Variants in CABIN1 observed in about 807,000 individuals in gnomAD.
CABIN1 encodes calcineurin-binding protein cabin-1.
Under a neutral mutation model 227.7 loss-of-function variants are expected in CABIN1, and 133 were observed. The ratio of observed to expected loss-of-function variants is 0.58; its 90% CI spans 0.51 to 0.67. CABIN1 has a LOEUF of 0.67. CABIN1 is among the 30% of genes least tolerant of loss of function. CABIN1 has a pLI of 0.00. For missense variants in CABIN1, 2,408 were observed against 2,852.5 expected (o/e 0.84, Z 3.55); for synonymous variants, 1,086 against 1,155.1 (o/e 0.94, Z 1.21).
At chr22:24,139,848 C>T (rs752304129) in intron 29 of CABIN1, among the ~76,000 whole-genome samples, 81 of 152,284 alleles carry the variant, frequency 5.3e-4, no homozygotes, top group Non-Finnish European at 1.5e-4. Context: ...TCCCTTTCCC[C>T]TCAGCAGTTG....
At chr22:24,025,934 A>G (rs1055582481) in intron 1 of CABIN1, among the ~76,000 whole-genome samples, 12 of 151,842 alleles carry the variant, frequency 7.9e-5, no homozygotes, top group African/African-American at 2.9e-4. Context: ...CCTGGACTCA[A>G]GTGAGCCTCC....
intron 29 of CABIN1, among the ~76,000 whole-genome samples, chr22:24,139,038 G>T (rs1381550157): frequency 2.0e-5 from 3 of 152,200 alleles, no homozygotes; most frequent in Admixed American, 6.5e-5. Context: ...GGCTATGGGA[G>T]TTAGGAGCCA....
At chr22:24,073,894 G>C (rs532287541) in intron 18 of CABIN1, among the ~76,000 whole-genome samples, 2 of 152,290 alleles carry the variant, frequency 1.3e-5, no homozygotes, top group South Asian at 4.1e-4. Context: ...TCATCATGCT[G>C]ATGAGAGGTG....
rs1195256221 is a variant in CABIN1 at position 24,094,845 on chromosome 22, AGAAAC to A, written c.3787-1085_3787-1081del. On this transcript the variant is annotated intron_variant, in intron 24 of 36. Coordinates refer to ENST00000263119, the MANE Select transcript of CABIN1 (RefSeq NM_012295.4). ...TCTCAAAAAAAAAAAAAAAAAAAAAAGAAACAAAAATGACATTTCTCTGAAGATTT... is the reference window on the plus strand; with the variant it reads ...TCTCAAAAAAAAAAAAAAAAAAAAAAAAAAATGACATTTCTCTGAAGATTT... Among the ~76,000 whole-genome samples the A allele has an allele frequency of 2.0e-3, 285 of 146,040 alleles. 3 individuals are homozygous for A. The highest frequency in any genetic ancestry group is 3.3e-3 in the Admixed American group (49 of 14,790).
At chr22:24,051,403 C>T (rs771447940) in intron 8 of CABIN1, among the ~76,000 whole-genome samples, 1 of 152,022 alleles carries the variant, frequency 6.6e-6, no homozygotes, top group Non-Finnish European at 1.5e-5. Flanking sequence ...TCTAGGGCCA[C>T]GTGGGGAGCC....
intron 32 of CABIN1, among the ~76,000 whole-genome samples, chr22:24,168,022 C>A (rs1213143726): frequency 1.3e-5 from 2 of 152,246 alleles, no homozygotes; most frequent in Non-Finnish European, 2.9e-5. Flanking sequence ...CCCCTAGCAA[C>A]TGAGCCTCAG....
rs114311625 is a variant in CABIN1, at chr22:24,080,969, G to A, written c.2749-2259G>A. Among the ~76,000 whole-genome samples, 991 of 151,850 alleles carry A rather than the reference G, an allele frequency of 6.5e-3. 11 individuals carry two copies. Among genetic ancestry groups the A allele is most frequent in the African/African-American group, 0.023 (961 of 41,366 alleles). On this transcript the variant is annotated intron_variant, in intron 19 of 36. Transcript: ENST00000263119. ...GCCAGGGGTCACCAAAGCTTTTCCTGTAAAGGGACAAATAGTAAATCTTTG... is the reference window on the plus strand; with the variant it reads ...GCCAGGGGTCACCAAAGCTTTTCCTATAAAGGGACAAATAGTAAATCTTTG...
intron 1 of CABIN1, among the ~76,000 whole-genome samples, chr22:24,013,814 T>G (rs1274241171): frequency 6.6e-6 from 1 of 152,236 alleles, no homozygotes; most frequent in African/African-American, 2.4e-5. Flanking sequence ...TTGATGCTTT[T>G]AAAGAGTAGT....
At chr22:24,019,465 G>A (rs144037582) in intron 1 of CABIN1, among the ~76,000 whole-genome samples, 6,529 of 151,462 alleles carry the variant, frequency 0.043, 263 homozygotes, top group African/African-American at 0.1. Context: ...GTGTTGGCCA[G>A]GATGGTCTCG....
chr22:24,168,621 T>C (rs575289923), intron 33 of CABIN1, 100 bp downstream of exon 33: 292 of 1,009,890 alleles, frequency 2.9e-4, no homozygotes, highest in Non-Finnish European at 4.1e-4. Flanking sequence ...CTTGGGACTG[T>C]TCTTGTGGTC....
At chr22:24,042,334 C>A (rs1169094397) in intron 5 of CABIN1, among the ~76,000 whole-genome samples, 3 of 152,078 alleles carry the variant, frequency 2.0e-5, no homozygotes, top group Non-Finnish European at 4.4e-5. Context: ...TATATCAAGA[C>A]AATGGGGAAA....
intron 28 of CABIN1, among the ~76,000 whole-genome samples, chr22:24,132,444 G>A (rs938680241): frequency 2.0e-5 from 3 of 152,310 alleles, no homozygotes; most frequent in South Asian, 4.1e-4. Context: ...GGGATAGGGT[G>A]GGGTGGAGTG....
At chr22:24,076,035 A>T in intron 18 of CABIN1, 134 bp from the exon 19 acceptor site, 1 of 658,164 alleles carries the variant, frequency 1.5e-6, no homozygotes, top group Non-Finnish European at 2.7e-6. Flanking sequence ...AAAAAAAAAA[A>T]AGGGAAAGGA....
intron 32 of CABIN1, 71 bp downstream of exon 32, chr22:24,167,384 A>C (rs1602464719): frequency 1.4e-5 from 21 of 1,473,632 alleles, no homozygotes; most frequent in East Asian, 9.3e-5. Context: ...TTCTATCCTC[A>C]AGGAGGGTCT....
At chr22:24,041,994 C>T (rs369509838) in intron 5 of CABIN1, among the ~76,000 whole-genome samples, 15 of 152,194 alleles carry the variant, frequency 9.9e-5, no homozygotes, top group African/African-American at 3.1e-4. Context: ...GTCTGTTGCC[C>T]ATGCTGGAGT....
At position 24,087,797 on chromosome 22, in the gene CABIN1, G is replaced by A. The variant is rs146965048; in HGVS notation, c.3525+84G>A. The A allele has an allele frequency of 3.3e-5, 51 of 1,548,746 alleles. No individual in the cohort carries two copies. The East Asian group carries it at 6.1e-4, about 18-fold the overall frequency. On this transcript the variant is annotated intron_variant, in intron 23 of 36. Coordinates refer to ENST00000263119, the MANE Select transcript of CABIN1 (RefSeq NM_012295.4). ...AGGTCAACGAAGCTCTGTCTCATTC[G>A]TACTTTATTCTTGTCCACACATCCA...
chr22:24,127,821 C>T (rs1569255026), intron 28 of CABIN1, among the ~76,000 whole-genome samples: 1 of 149,918 alleles, frequency 6.7e-6, no homozygotes, highest in East Asian at 2.0e-4. Flanking sequence ...TTTAACTTTT[C>T]ATATATATAT....
At chr22:24,088,398 A>G (rs1489763407) in intron 23 of CABIN1, among the ~76,000 whole-genome samples, 3 of 152,182 alleles carry the variant, frequency 2.0e-5, no homozygotes, top group African/African-American at 7.2e-5. Context: ...TCACGAGGTC[A>G]GGAGTATGAG....
chr22:24,087,426 A>T, intron 22 of CABIN1, 26 bp from the exon 23 acceptor site: 1 of 1,612,216 alleles, frequency 6.2e-7, no homozygotes. Flanking sequence ...TGTTGTTTTT[A>T]GCTGGTGCTT....
Sources: allele counts gnomAD v4.1 joint callset (sites outside exome capture counted in the v4.1 genomes callset), GRCh38; gene constraint gnomAD v4.1.1; transcripts MANE v1.5; gene names NCBI Gene and HGNC (gene_info 2026-07-23, HGNC 2026-07-21).